The following KANSL3 variants were observed in gnomAD, a reference collection of about 807,000 sequenced individuals.
KANSL3 encodes the protein KAT8 regulatory NSL complex subunit 3.
Under a neutral mutation model 89.2 loss-of-function variants are expected in KANSL3, and 16 were observed. The ratio of observed to expected loss-of-function variants is 0.18; its 90% CI spans 0.12 to 0.27. KANSL3 has a LOEUF of 0.27. KANSL3 is among the 10% of genes least tolerant of loss of function. The pLI, the probability that KANSL3 is intolerant of heterozygous loss-of-function variation, is 1.00. For missense variants in KANSL3, 879 were observed against 1,110.6 expected (o/e 0.79, Z 2.96); for synonymous variants, 385 against 419.7 (o/e 0.92, Z 1.01).
chr2:96,633,644 T>C (rs891284645), intron 2 of KANSL3, among the ~76,000 whole-genome samples: 6 of 150,398 alleles, frequency 4.0e-5, no homozygotes, highest in Non-Finnish European at 7.4e-5. Flanking sequence ...GGCATGCGGA[T>C]TGCCTGAGCT....
At chr2:96,600,925 A>C in intron 20 of KANSL3, 1 of 983,570 alleles carries the variant, frequency 1.0e-6, no homozygotes, top group Non-Finnish European at 1.2e-6. Context: ...CGGGAGGACC[A>C]CTTAAACCTT....
rs149375068 is a variant in KANSL3, at chr2:96,605,346, G to A, written c.1907C>T (p.Ala636Val). The A allele has an allele frequency of 2.6e-4, 412 of 1,612,800 alleles. No individual in the cohort carries two copies. In the African/African-American group the frequency reaches 5.1e-3, roughly 20 times the overall value. Residue 636 changes from alanine to valine, a missense_variant, in exon 15 of 21, where the codon GCT becomes GTT. This residue lies in a region of KANSL3 where 317 missense variants were observed against 311.2 expected (regional missense o/e 1.02). Transcript: ENST00000431828. ...SQGDTAGGPC[A>V]PSQGSAPEAA... Reference sequence around the variant, plus strand: ...TTCTGGAGCACTTCCTTGGGAAGGAGCACAAGGCCCTCCAGCTGTGTCCCC... The same window carrying A: ...TTCTGGAGCACTTCCTTGGGAAGGAACACAAGGCCCTCCAGCTGTGTCCCC...
At chr2:96,632,762 C>T (rs368174098) in intron 2 of KANSL3, among the ~76,000 whole-genome samples, 6 of 151,862 alleles carry the variant, frequency 4.0e-5, no homozygotes, top group Non-Finnish European at 5.9e-5. Flanking sequence ...GAGGTCAGAT[C>T]GAGACTATCC....
the KANSL3 span, among the ~76,000 whole-genome samples, chr2:96,585,477 T>C: frequency 1.3e-5 from 2 of 152,032 alleles, no homozygotes. Context: ...AAATAATAGA[T>C]GCTGGCATGA....
At chr2:96,597,623 GAC>G (rs900151750) in intron 20 of KANSL3, among the ~76,000 whole-genome samples, 1 of 151,984 alleles carries the variant, frequency 6.6e-6, no homozygotes, top group African/African-American at 2.4e-5. Flanking sequence ...ATTTTTTTGA[GAC>G]AGAGTCTGGC....
Position 96,605,346 on chromosome 2 carries a change from G to C in KANSL3, c.1907C>G (p.Ala636Gly), listed in dbSNP as rs149375068. 1 of 1,612,682 alleles carries C rather than the reference G, an allele frequency of 6.2e-7. No individual in the cohort carries two copies. Among genetic ancestry groups the C allele is most frequent in the African/African-American group, 1.3e-5 (1 of 74,912 alleles). The change falls in exon 15 of 21, where the codon GCT becomes GGT. Residue 636 changes from alanine to glycine, a missense_variant. Coordinates refer to ENST00000431828, the MANE Select transcript of KANSL3 (RefSeq NM_001115016.3). ...SQGDTAGGPC[A>G]PSQGSAPEAA... ...TTCTGGAGCACTTCCTTGGGAAGGAGCACAAGGCCCTCCAGCTGTGTCCCC... is the reference window on the plus strand; with the variant it reads ...TTCTGGAGCACTTCCTTGGGAAGGACCACAAGGCCCTCCAGCTGTGTCCCC...
At chr2:96,629,693 T>G (rs1469693784) in intron 3 of KANSL3, among the ~76,000 whole-genome samples, 2 of 152,206 alleles carry the variant, frequency 1.3e-5, no homozygotes, top group African/African-American at 4.8e-5. Context: ...GGTGCAGAAC[T>G]GCTCCTCCCT....
chr2:96,596,598 G>A (rs541198298), intron 20 of KANSL3, among the ~76,000 whole-genome samples: 1 of 152,222 alleles, frequency 6.6e-6, no homozygotes, highest in Non-Finnish European at 1.5e-5. Flanking sequence ...CTGGAGCCCA[G>A]AGTTCCAGAC....
the KANSL3 span, among the ~76,000 whole-genome samples, chr2:96,582,842 C>CT: frequency 2.0e-5 from 3 of 152,226 alleles, no homozygotes; most frequent in Non-Finnish European, 4.4e-5. Context: ...CTGCATATTG[C>CT]TTGCCTGCAG....
chr2:96,623,047 T>C (rs1180139178), intron 3 of KANSL3, among the ~76,000 whole-genome samples: 1 of 152,232 alleles, frequency 6.6e-6, no homozygotes, highest in Non-Finnish European at 1.5e-5. Context: ...AGTTTGTTTC[T>C]CTCTGCCAGG....
intron 20 of KANSL3, 102 bp from the exon 21 acceptor site, chr2:96,595,733 A>G: frequency 1.5e-6 from 2 of 1,317,408 alleles, no homozygotes; most frequent in Non-Finnish European, 2.1e-6. Context: ...AATTTATTTT[A>G]AAGAATTAAT....
chr2:96,633,711 A>G (rs759470419), intron 2 of KANSL3, among the ~76,000 whole-genome samples: 2 of 152,000 alleles, frequency 1.3e-5, no homozygotes, highest in Non-Finnish European at 2.9e-5. Context: ...ACTAAACACA[A>G]AAAATTAGCT....
downstream of KANSL3, among the ~76,000 whole-genome samples, chr2:96,588,884 G>A (rs556243289): frequency 2.0e-4 from 31 of 152,240 alleles, no homozygotes; most frequent in Non-Finnish European, 3.7e-4. Context: ...TTAAGCCACC[G>A]CACCCAGCCC....
chr2:96,611,903 A>ATATATGTGTGTGTGTG lies in KANSL3; in HGVS notation c.1086+378_1086+379insCACACACACACATATA, dbSNP rs376030964. 7.6e-3 allele frequency among the ~76,000 whole-genome samples: 858 copies of ATATATGTGTGTGTGTG among 113,318 alleles called. 45 individuals carry two copies. Among genetic ancestry groups the ATATATGTGTGTGTGTG allele is most frequent in the Admixed American group, 0.071 (717 of 10,162 alleles). 74.3% of individuals were successfully genotyped at this position (113,318 alleles called of 152,430 possible). The stretch of plus-strand genomic sequence containing the variant: ...TTTTTTTCCACAGATATATACCCAT[A>ATATATGTGTGTGTGTG]TGTGTGTGTGTGTGTGTGTGTGTGT... On this transcript the variant is annotated intron_variant, in intron 9 of 20. Transcript: ENST00000431828.
Position 96,595,620 on chromosome 2 carries a change from T to C in KANSL3, c.2628A>G (p.Pro876=), listed in dbSNP as rs1278343588. 6.2e-7 allele frequency: 1 copy of C among 1,613,844 alleles called. No homozygotes were observed. Among genetic ancestry groups the C allele is most frequent in the African/African-American group, 1.3e-5 (1 of 75,068 alleles). ...ATATCACACAGCATCTTCAGGGTGC[T>C]GGAGGCAGGCGCTGTGGCAGGAGAG... The part of the protein sequence containing the change: ...VLPSSSQRLP[P]AP Residue 876 remains proline (P), a synonymous_variant, in exon 21 of 21, where the codon CCA becomes CCG. Transcript: ENST00000431828.
Position 96,593,331 on chromosome 2 carries a change from T to C in KANSL3, c.*2280A>G, listed in dbSNP as rs909567956. The C allele has an allele frequency of 4.4e-6, 2 of 455,900 alleles. No individual in the cohort carries two copies. Among genetic ancestry groups the C allele is most frequent in the African/African-American group, 2.0e-5 (1 of 50,068 alleles). The allele number at this position is 455,900 out of a possible 1,614,324, so 28.2% of individuals were successfully genotyped here. A position where few individuals can be genotyped will look rare whatever the true frequency, so the allele number is the denominator to read the frequency against. On this transcript the variant is annotated 3_prime_UTR_variant, in exon 21 of 21. Transcript: ENST00000431828. ...ACCTCAAAACACAAGGACATCTCCA[T>C]AGGGCATCAACATGCATCTGTCATC...
chr2:96,583,485 T>C, the KANSL3 span, among the ~76,000 whole-genome samples: 2 of 152,228 alleles, frequency 1.3e-5, no homozygotes, highest in African/African-American at 4.8e-5. Context: ...CTAGTTTTGT[T>C]CAAATTTGGA....
intron 18 of KANSL3, 87 bp from the exon 19 acceptor site, chr2:96,602,425 G>T: frequency 1.0e-6 from 1 of 988,738 alleles, no homozygotes; most frequent in Non-Finnish European, 1.5e-6. Context: ...ATTATTAAAG[G>T]CTAACATGTA....
At chr2:96,615,648 G>T in intron 5 of KANSL3, 1 of 415,650 alleles carries the variant, frequency 2.4e-6, no homozygotes, top group Non-Finnish European at 4.4e-6. Context: ...GATGCAAGTT[G>T]TAAAACTCCA....
Sources: gnomAD v4.1 joint callset for allele counts (sites outside exome capture counted in the v4.1 genomes callset) on GRCh38, gnomAD v4.1.1 for gene constraint, gnomAD v4.1.1 regional missense constraint, MANE v1.5 for transcripts, NCBI Gene and HGNC (gene_info 2026-07-23, HGNC 2026-07-21) for gene names.